The following RPSA2 variants were observed in gnomAD, a reference collection of about 807,000 sequenced individuals.
RPSA2 encodes small ribosomal subunit protein uS2B.
At chr19:23,843,547 T>C in the RPSA2 span, among the ~76,000 whole-genome samples, 3 of 152,200 alleles carry the variant, frequency 2.0e-5, no homozygotes, top group African/African-American at 4.8e-5. Context: ...CTGCATGATA[T>C]ACCTGCTCTT....
chr19:23,761,921 T>TCTCTCTCTCTCTCTCTCTCTCTCTCTCTC, the RPSA2 span, among the ~76,000 whole-genome samples: 18 of 76,192 alleles, frequency 2.4e-4, no homozygotes, highest in Admixed American at 3.3e-4. Context: ...TCTTTCTTTC[T>TCTCTCTCTCTCTCTCTCTCTCTCTCTCTC]TTTTTTTTTT....
the RPSA2 span, among the ~76,000 whole-genome samples, chr19:23,775,539 C>T: frequency 4.9e-4 from 75 of 152,292 alleles, 3 homozygotes; most frequent in Admixed American, 4.2e-3. Context: ...TAACTAGGCT[C>T]AGTGTAGAGT....
chr19:23,866,620 CT>C, the RPSA2 span, among the ~76,000 whole-genome samples: 1 of 151,716 alleles, frequency 6.6e-6, no homozygotes, highest in African/African-American at 2.4e-5. Context: ...ATAGCACCCC[CT>C]GTCAGGAAAT....
chr19:23,796,420 AT>A, the RPSA2 span, among the ~76,000 whole-genome samples: 1,864 of 147,194 alleles, frequency 0.013, 46 homozygotes, highest in African/African-American at 0.043. Flanking sequence ...TATTGGCCTG[AT>A]TTTTTTTTTT....
At chr19:23,780,951 A>G in the RPSA2 span, among the ~76,000 whole-genome samples, 1 of 152,180 alleles carries the variant, frequency 6.6e-6, no homozygotes, top group Non-Finnish European at 1.5e-5. Context: ...ATTGACTCTC[A>G]TTTGTGGATT....
At chr19:23,839,689 AC>A in the RPSA2 span, among the ~76,000 whole-genome samples, 1 of 151,940 alleles carries the variant, frequency 6.6e-6, no homozygotes, top group Non-Finnish European at 1.5e-5. Context: ...TTGGAGTTTT[AC>A]CCCTTGCTTC....
At chr19:23,816,949 G>C in the RPSA2 span, among the ~76,000 whole-genome samples, 1 of 152,258 alleles carries the variant, frequency 6.6e-6, no homozygotes, top group East Asian at 1.9e-4. Flanking sequence ...TGAGACTTGG[G>C]TTGGGACACA....
chr19:23,856,266 C>T, the RPSA2 span, among the ~76,000 whole-genome samples: 29 of 151,830 alleles, frequency 1.9e-4, 1 homozygote, highest in Admixed American at 1.4e-3. Context: ...AATTTCCTGT[C>T]GGGACCAGTT....
the RPSA2 span, chr19:23,842,540 T>A: frequency 6.5e-6 from 1 of 152,714 alleles, no homozygotes; most frequent in African/African-American, 2.4e-5. Flanking sequence ...GTGTTTTTTT[T>A]TTTTTTAGGA....
At chr19:23,850,681 C>A in the RPSA2 span, among the ~76,000 whole-genome samples, 5 of 151,866 alleles carry the variant, frequency 3.3e-5, no homozygotes, top group Non-Finnish European at 7.4e-5. Context: ...TATAATCGCT[C>A]CAGGTTCCCA....
chr19:23,857,795 C>G, the RPSA2 span, among the ~76,000 whole-genome samples: 10 of 152,002 alleles, frequency 6.6e-5, no homozygotes, highest in East Asian at 1.9e-3. Context: ...GCACCTGGCC[C>G]TTTTTTAAAG....
At chr19:23,787,819 C>CT in the RPSA2 span, among the ~76,000 whole-genome samples, 2 of 152,072 alleles carry the variant, frequency 1.3e-5, no homozygotes, top group Non-Finnish European at 2.9e-5. Context: ...AGCGATATTA[C>CT]TTTTTTTTCT....
chr19:23,803,200 CT>C, the RPSA2 span, among the ~76,000 whole-genome samples: 1 of 152,010 alleles, frequency 6.6e-6, no homozygotes, highest in Non-Finnish European at 1.5e-5. Flanking sequence ...TGTCCCAACC[CT>C]GATCAGATTC....
At chr19:23,861,153 G>A in the RPSA2 span, among the ~76,000 whole-genome samples, 2 of 151,966 alleles carry the variant, frequency 1.3e-5, no homozygotes, top group South Asian at 4.2e-4. Context: ...GAACCACTTC[G>A]GATCACCCCA....
the RPSA2 span, among the ~76,000 whole-genome samples, chr19:23,866,946 A>C: frequency 6.6e-6 from 1 of 152,160 alleles, no homozygotes. Flanking sequence ...GTTAAGGAGA[A>C]ATTCAAATAG....
the RPSA2 span, among the ~76,000 whole-genome samples, chr19:23,835,328 A>T: frequency 6.6e-6 from 1 of 151,026 alleles, no homozygotes; most frequent in African/African-American, 2.4e-5. Flanking sequence ...CTTTAGGTCT[A>T]AATAAATTAT....
At chr19:23,869,872 C>A in the RPSA2 span, among the ~76,000 whole-genome samples, 4 of 152,190 alleles carry the variant, frequency 2.6e-5, no homozygotes, top group African/African-American at 7.2e-5. Flanking sequence ...TATCACCACT[C>A]AACTTATGGT....
chr19:23,844,077 T>C, the RPSA2 span, among the ~76,000 whole-genome samples: 4 of 152,286 alleles, frequency 2.6e-5, no homozygotes, highest in South Asian at 8.3e-4. Flanking sequence ...TTCTTTTTGA[T>C]ATTAGGAATC....
At chr19:23,861,151 T>G in the RPSA2 span, among the ~76,000 whole-genome samples, 1 of 152,192 alleles carries the variant, frequency 6.6e-6, no homozygotes, top group Admixed American at 6.5e-5. Flanking sequence ...ATGAACCACT[T>G]CGGATCACCC....
Sources: gnomAD v4.1 joint callset for allele counts (sites outside exome capture counted in the v4.1 genomes callset) on GRCh38, gnomAD v4.1.1 for gene constraint, MANE v1.5 for transcripts, NCBI Gene and HGNC (gene_info 2026-07-23, HGNC 2026-07-21) for gene names.